Variants in PDGFRL observed in about 807,000 individuals in gnomAD.
The protein encoded by PDGFRL is platelet-derived growth factor receptor-like protein.
PDGFRL carries 46 observed loss-of-function variants against 37.2 expected under a neutral mutation model. The observed-to-expected ratio is 1.24, with a 90% CI of 0.98 to 1.58. PDGFRL has a LOEUF of 1.58. PDGFRL is among the 40% of genes most tolerant of loss of function. The pLI, the probability that PDGFRL is intolerant of heterozygous loss-of-function variation, is 0.00. For synonymous variants in PDGFRL, 251 were observed against 184.3 expected (o/e 1.36, Z -2.93); for missense variants, 692 against 467.6 (o/e 1.48, Z -4.43).
At chr8:17,632,937 GCT>G (rs1168542459) in intron 4 of PDGFRL, among the ~76,000 whole-genome samples, 1 of 152,126 alleles carries the variant, frequency 6.6e-6, no homozygotes, top group Non-Finnish European at 1.5e-5. Flanking sequence ...GCCCTTCCTG[GCT>G]CTCAGACTGT....
At chr8:17,599,325 T>A (rs759982704) in intron 2 of PDGFRL, among the ~76,000 whole-genome samples, 12 of 152,144 alleles carry the variant, frequency 7.9e-5, no homozygotes, top group Non-Finnish European at 1.6e-4. Context: ...GTCCCTAAAG[T>A]CCATTGTATC....
intron 2 of PDGFRL, among the ~76,000 whole-genome samples, chr8:17,615,286 A>T (rs1804500276): frequency 6.8e-6 from 1 of 146,650 alleles, no homozygotes; most frequent in Non-Finnish European, 1.5e-5. Flanking sequence ...ATTTAACTGG[A>T]TCTCTCATAT....
rs1163481564 is a variant in PDGFRL at position 17,580,454 on chromosome 8, A to G, written c.55+3147A>G. ...TAGGATCTTGGCTGGCATGTTTGAC[A>G]TACAAAACCATTTCTGATCCTTAAA... On this transcript the variant is annotated intron_variant, in intron 1 of 5. Coordinates refer to ENST00000251630, the MANE Select transcript of PDGFRL (RefSeq NM_001372073.1). 4.6e-5 allele frequency among the ~76,000 whole-genome samples: 7 copies of G among 152,314 alleles called. No individual in the cohort carries two copies. In the East Asian group the frequency reaches 1.2e-3, roughly 25 times the overall value.
At chr8:17,602,653 G>A (rs1804190691) in intron 2 of PDGFRL, among the ~76,000 whole-genome samples, 1 of 152,174 alleles carries the variant, frequency 6.6e-6, no homozygotes, top group Non-Finnish European at 1.5e-5. Flanking sequence ...ATGCCAGAGT[G>A]TGAAAACCTG....
intron 2 of PDGFRL, among the ~76,000 whole-genome samples, chr8:17,600,568 G>A (rs1804145297): frequency 6.6e-6 from 1 of 151,980 alleles, no homozygotes; most frequent in Non-Finnish European, 1.5e-5. Context: ...GGGAGGCCAA[G>A]ATGGGAGGAT....
At chr8:17,597,729 C>G (rs1213635622) in intron 2 of PDGFRL, among the ~76,000 whole-genome samples, 2 of 152,056 alleles carry the variant, frequency 1.3e-5, no homozygotes, top group East Asian at 1.9e-4. Context: ...ATGCAGAAAT[C>G]CATCTCTTCT....
chr8:17,598,498 C>G (rs565607755), intron 2 of PDGFRL, among the ~76,000 whole-genome samples: 81 of 152,050 alleles, frequency 5.3e-4, no homozygotes, highest in African/African-American at 1.9e-3. Context: ...GGGTTTAGGC[C>G]GCATGTCAGA....
intron 5 of PDGFRL, among the ~76,000 whole-genome samples, chr8:17,637,110 T>C: frequency 6.6e-6 from 1 of 152,192 alleles, no homozygotes; most frequent in East Asian, 1.9e-4. Flanking sequence ...TTTATTTCTT[T>C]CTCTTGTCTG....
At chr8:17,624,358 T>G (rs1158049962) in intron 3 of PDGFRL, among the ~76,000 whole-genome samples, 1 of 152,260 alleles carries the variant, frequency 6.6e-6, no homozygotes. Flanking sequence ...AATTGCCGTA[T>G]GTATTTCCTC....
chr8:17,621,953 A>G (rs1804644977), intron 3 of PDGFRL, among the ~76,000 whole-genome samples: 1 of 152,170 alleles, frequency 6.6e-6, no homozygotes, highest in East Asian at 1.9e-4. Flanking sequence ...AGTTACAGGC[A>G]TGAGCCATTC....
chr8:17,590,693 C>T lies in PDGFRL; in HGVS notation c.353+928C>T, dbSNP rs1276628972. On this transcript the variant is annotated intron_variant, in intron 2 of 5. Coordinates refer to ENST00000251630, the MANE Select transcript of PDGFRL (RefSeq NM_001372073.1). Reference sequence around the variant, plus strand: ...TACCACCGCACTCCAGCCTGGGTGACAGAGTGAAACTCCGTCTCAAAAAAA... The same window carrying T: ...TACCACCGCACTCCAGCCTGGGTGATAGAGTGAAACTCCGTCTCAAAAAAA... Among the ~76,000 whole-genome samples, 4 of 151,858 alleles carry T rather than the reference C, an allele frequency of 2.6e-5. 1 individual carries two copies. The highest frequency in any genetic ancestry group is 5.9e-5 in the Non-Finnish European group (4 of 67,968).
chr8:17,642,125 C>A (rs1314090894), intron 5 of PDGFRL, among the ~76,000 whole-genome samples: 2 of 152,118 alleles, frequency 1.3e-5, no homozygotes, highest in African/African-American at 2.4e-5. Flanking sequence ...GCACACTGGC[C>A]TAATCATACT....
chr8:17,639,568 G>T (rs10104136), intron 5 of PDGFRL, among the ~76,000 whole-genome samples: 118,479 of 151,900 alleles, frequency 0.78, 48,304 homozygotes, highest in Non-Finnish European at 0.91. Flanking sequence ...ATTCTTAGAT[G>T]ATGATTCTTT....
chr8:17,594,701 C>T (rs533140715), intron 2 of PDGFRL, among the ~76,000 whole-genome samples: 45 of 152,152 alleles, frequency 3.0e-4, no homozygotes, highest in African/African-American at 9.2e-4. Context: ...ATTACAGGCA[C>T]GTGCCACCAT....
At chr8:17,580,358 T>C (rs1290825523) in intron 1 of PDGFRL, among the ~76,000 whole-genome samples, 1 of 152,194 alleles carries the variant, frequency 6.6e-6, no homozygotes, top group East Asian at 1.9e-4. Flanking sequence ...TACAGAAATA[T>C]TTTAATGAAA....
At chr8:17,621,001 G>T in intron 2 of PDGFRL, 50 bp from the exon 3 acceptor site, 3 of 1,471,812 alleles carry the variant, frequency 2.0e-6, no homozygotes, top group Non-Finnish European at 2.8e-6. Context: ...CAGCTGGAGG[G>T]CCCCAGCCAG....
intron 2 of PDGFRL, among the ~76,000 whole-genome samples, chr8:17,611,322 C>T (rs1804407326): frequency 6.6e-6 from 1 of 152,258 alleles, no homozygotes; most frequent in African/African-American, 2.4e-5. Context: ...ATTCAACCCA[C>T]TTTCACTCAC....
intron 2 of PDGFRL, among the ~76,000 whole-genome samples, chr8:17,612,804 C>T (rs1804448362): frequency 1.3e-5 from 2 of 152,162 alleles, no homozygotes; most frequent in African/African-American, 2.4e-5. Flanking sequence ...GTTGAATCTT[C>T]TAGTTTTGTA....
chr8:17,577,923 G>T (rs1471717664), intron 1 of PDGFRL, among the ~76,000 whole-genome samples: 2 of 151,868 alleles, frequency 1.3e-5, no homozygotes, highest in Non-Finnish European at 2.9e-5. Flanking sequence ...GATGGGAAAT[G>T]GTGAAGAAAA....
Sources: allele counts gnomAD v4.1 joint callset (sites outside exome capture counted in the v4.1 genomes callset), GRCh38; gene constraint gnomAD v4.1.1; transcripts MANE v1.5; gene names NCBI Gene and HGNC (gene_info 2026-07-23, HGNC 2026-07-21).